The following MAPK10 variants were observed in gnomAD, a reference collection of about 807,000 sequenced individuals.
The protein encoded by MAPK10 is mitogen-activated protein kinase 10.
In MAPK10, 25 loss-of-function variants were observed where a neutral mutation model predicts 59.3. That is an observed-to-expected ratio of 0.42 (90% CI 0.31 to 0.59). The LOEUF (loss-of-function observed/expected upper bound fraction) is 0.59, where lower values mean the gene tolerates loss of function less well. MAPK10 is among the 20% of genes least tolerant of loss of function. MAPK10 has a pLI of 0.15. For synonymous variants in MAPK10, 190 were observed against 200.5 expected, an observed-to-expected ratio of 0.95 and a Z score of 0.44; for missense variants, 351 against 568.9, an observed-to-expected ratio of 0.62 and a Z score of 3.90.
chr4:86,456,203 G>A (rs1382250564), upstream of MAPK10, among the ~76,000 whole-genome samples: 2 of 152,128 alleles, frequency 1.3e-5, no homozygotes, highest in South Asian at 2.1e-4. Flanking sequence ...ACATAAAAAT[G>A]TCTGAAAAAG....
At chr4:86,367,657 T>C (rs958275978) in intron 1 of MAPK10, among the ~76,000 whole-genome samples, 1 of 152,064 alleles carries the variant, frequency 6.6e-6, no homozygotes, top group Non-Finnish European at 1.5e-5. Context: ...ATTTGTTTTT[T>C]TTTTTGTTTT....
chr4:86,037,430 G>A (rs1256660976), intron 11 of MAPK10, among the ~76,000 whole-genome samples: 1 of 151,902 alleles, frequency 6.6e-6, no homozygotes, highest in Non-Finnish European at 1.5e-5. Flanking sequence ...TGAGGCAGGA[G>A]AATGGCATAA....
intron 2 of MAPK10, among the ~76,000 whole-genome samples, chr4:86,197,462 G>A (rs59124829): frequency 0.12 from 17,839 of 152,158 alleles, 1,105 homozygotes; most frequent in Non-Finnish European, 0.14. Flanking sequence ...ATTTGGGGCT[G>A]AGACAATGGG....
At chr4:86,311,978 T>C (rs2095680005) in intron 2 of MAPK10, among the ~76,000 whole-genome samples, 1 of 152,074 alleles carries the variant, frequency 6.6e-6, no homozygotes, top group African/African-American at 2.4e-5. Context: ...CATAAAAAAC[T>C]ATTATTTTGT....
chr4:86,234,201 C>A (rs1055675333), intron 2 of MAPK10, among the ~76,000 whole-genome samples: 1 of 152,010 alleles, frequency 6.6e-6, no homozygotes, highest in Non-Finnish European at 1.5e-5. Flanking sequence ...ACAAAAAAAT[C>A]TCCATTTTGA....
intron 2 of MAPK10, chr4:86,326,599 A>G (rs2096027794): frequency 6.6e-6 from 1 of 152,190 alleles, no homozygotes; most frequent in Non-Finnish European, 1.5e-5. Flanking sequence ...TTTTAAAGTA[A>G]TATACCCCTG....
rs532467527 is a variant in MAPK10, at chr4:86,572,321, T to C, written c.-263+21589A>G. On this transcript the variant is annotated intron_variant, in intron 1 of 4. Coordinates refer to the MAPK10 transcript ENST00000502302. ...CCTTGCTCATTTGTGTTTCTTAGAA[T>C]GCCATTGTCTTCTTTTTGCATTAGA... 9.2e-5 allele frequency among the ~76,000 whole-genome samples: 14 copies of C among 152,312 alleles called. No homozygotes were observed. The East Asian group carries it at 1.7e-3, about 19-fold the overall frequency.
chr4:86,562,551 C>G (rs1760755004), intron 1 of MAPK10, among the ~76,000 whole-genome samples: 1 of 151,698 alleles, frequency 6.6e-6, no homozygotes, highest in Non-Finnish European at 1.5e-5. Flanking sequence ...TTAATTTAGC[C>G]AGGAATGGTA....
At chr4:86,591,561 A>C (rs1481777492) in intron 1 of MAPK10, among the ~76,000 whole-genome samples, 3 of 152,076 alleles carry the variant, frequency 2.0e-5, no homozygotes, top group Non-Finnish European at 2.9e-5. Flanking sequence ...GTTTGTAGAG[A>C]AAGGGTTTCA....
intron 2 of MAPK10, among the ~76,000 whole-genome samples, chr4:86,224,982 C>T (rs978125419): frequency 6.6e-6 from 1 of 152,156 alleles, no homozygotes; most frequent in African/African-American, 2.4e-5. Flanking sequence ...CCAAAGGAAC[C>T]TTGAAGTTAA....
chr4:86,470,688 C>A (rs1200499189), intron 1 of MAPK10, among the ~76,000 whole-genome samples: 2 of 151,842 alleles, frequency 1.3e-5, no homozygotes, highest in African/African-American at 4.8e-5. Flanking sequence ...CCCTTTGCAG[C>A]CAAAGGGATT....
intron 1 of MAPK10, among the ~76,000 whole-genome samples, chr4:86,534,895 G>A (rs1177151304): frequency 6.6e-6 from 1 of 152,098 alleles, no homozygotes. Flanking sequence ...GGCAGAGCGA[G>A]ACTCTGTCTC....
At chr4:86,125,447 C>T (rs2059920990) in intron 4 of MAPK10, 1 of 151,756 alleles carries the variant, frequency 6.6e-6, no homozygotes, top group Admixed American at 6.6e-5. Context: ...ATTTTTACGA[C>T]CATCAATATA....
intron 9 of MAPK10, among the ~76,000 whole-genome samples, chr4:86,091,869 T>C (rs959693871): frequency 1.3e-5 from 2 of 152,010 alleles, no homozygotes; most frequent in Admixed American, 6.6e-5. Flanking sequence ...AGGTGGGGTT[T>C]CACCATGTTG....
chr4:86,579,456 T>C (rs1762111765), intron 1 of MAPK10, among the ~76,000 whole-genome samples: 1 of 152,098 alleles, frequency 6.6e-6, no homozygotes, highest in African/African-American at 2.4e-5. Flanking sequence ...TAACCATTTT[T>C]ATAGTCTGAA....
intron 2 of MAPK10, among the ~76,000 whole-genome samples, chr4:86,213,779 C>T (rs1482002361): frequency 6.6e-6 from 1 of 152,046 alleles, no homozygotes; most frequent in Non-Finnish European, 1.5e-5. Context: ...ATGAATTCTA[C>T]CATTCTACCA....
At chr4:86,472,667 C>T (rs1752755061) in intron 1 of MAPK10, among the ~76,000 whole-genome samples, 1 of 151,950 alleles carries the variant, frequency 6.6e-6, no homozygotes, top group African/African-American at 2.4e-5. Context: ...AAAAAAGTTG[C>T]AGAGTAGAAA....
chr4:86,289,606 ATAT>A (rs2095153628), intron 2 of MAPK10, among the ~76,000 whole-genome samples: 2 of 149,820 alleles, frequency 1.3e-5, no homozygotes, highest in Non-Finnish European at 3.0e-5. Flanking sequence ...TTATATAATA[ATAT>A]ATTATGTTGT....
chr4:86,553,582 C>A (rs1760025273), intron 1 of MAPK10, among the ~76,000 whole-genome samples: 1 of 152,150 alleles, frequency 6.6e-6, no homozygotes, highest in Non-Finnish European at 1.5e-5. Context: ...TCAGGGTCTC[C>A]CTGTCCCCAA....
Sources: gnomAD v4.1 joint callset for allele counts (sites outside exome capture counted in the v4.1 genomes callset) on GRCh38, gnomAD v4.1.1 for gene constraint, MANE v1.5 for transcripts, NCBI Gene and HGNC (gene_info 2026-07-23, HGNC 2026-07-21) for gene names.